ANO2: variants seen among roughly 807,000 people sequenced by gnomAD.
ANO2 encodes anoctamin-2.
A neutral mutation model predicts 124.2 loss-of-function variants in ANO2; 101 were observed. That is an observed-to-expected ratio of 0.81 (90% CI 0.69 to 0.96). The LOEUF is 0.96. ANO2 is among the 40% of genes least tolerant of loss of function. ANO2 has a pLI of 0.00. For missense variants in ANO2, 1,293 were observed against 1,274.5 expected (o/e 1.01, Z -0.22); for synonymous variants, 486 against 482.5 (o/e 1.01, Z -0.09).
intron 3 of ANO2, among the ~76,000 whole-genome samples, chr12:5,916,450 T>A: frequency 7.2e-6 from 1 of 138,746 alleles, no homozygotes; most frequent in Non-Finnish European, 1.6e-5. Flanking sequence ...AAGAGAAGTC[T>A]TAGGAGACCT....
intron 3 of ANO2, among the ~76,000 whole-genome samples, chr12:5,909,630 A>C (rs904951750): frequency 6.6e-6 from 1 of 152,232 alleles, no homozygotes; most frequent in Non-Finnish European, 1.5e-5. Context: ...TCCAAAGTGC[A>C]GTTAGCTGTG....
intron 7 of ANO2, among the ~76,000 whole-genome samples, chr12:5,827,032 G>T (rs773318535): frequency 7.9e-5 from 12 of 152,158 alleles, no homozygotes; most frequent in Admixed American, 5.2e-4. Flanking sequence ...AATGACTCCT[G>T]TGCAAAAGGT....
intron 14 of ANO2, among the ~76,000 whole-genome samples, chr12:5,685,768 C>T (rs1236327805): frequency 6.6e-6 from 1 of 151,330 alleles, no homozygotes; most frequent in African/African-American, 2.4e-5. Flanking sequence ...CAAAGTGAGA[C>T]CCTGTCTCAA....
intron 7 of ANO2, among the ~76,000 whole-genome samples, chr12:5,813,650 T>C (rs773914140): frequency 3.3e-5 from 5 of 152,170 alleles, no homozygotes; most frequent in Non-Finnish European, 5.9e-5. Context: ...TCCCTTTCAC[T>C]ACAATTGTCT....
chr12:5,915,657 G>A (rs1037016095), intron 3 of ANO2, among the ~76,000 whole-genome samples: 8 of 152,294 alleles, frequency 5.3e-5, no homozygotes, highest in Non-Finnish European at 1.2e-4. Context: ...TGTTCAAACT[G>A]CCACCAGGTG....
intron 15 of ANO2, among the ~76,000 whole-genome samples, chr12:5,642,845 C>A (rs1189506266): frequency 6.6e-6 from 1 of 152,144 alleles, no homozygotes; most frequent in Non-Finnish European, 1.5e-5. Context: ...TTCCTGCTGT[C>A]CCTCCTGATG....
At position 5,787,772 on chromosome 12, in the gene ANO2, TA is replaced by T. The variant is rs1337951876; in HGVS notation, c.1055+11734del. On this transcript the variant is annotated intron_variant, in intron 10 of 24. Transcript: ENST00000682330. The surrounding 1 kb of genome is among the most constrained non-coding windows in gnomAD (Gnocchi z 4.2). ...GATCTCCAATTAGGTTGGATGGCCT[TA>T]TATCTCCATTCCCATTACACTTCTG... is the stretch of plus-strand genomic sequence containing the variant. Among the ~76,000 whole-genome samples the T allele has an allele frequency of 6.6e-6, 1 of 152,192 alleles. No homozygotes were observed. Among genetic ancestry groups the T allele is most frequent in the Non-Finnish European group, 1.5e-5 (1 of 68,038 alleles).
At chr12:5,566,777 G>A (rs911915267) in intron 23 of ANO2, among the ~76,000 whole-genome samples, 5 of 152,226 alleles carry the variant, frequency 3.3e-5, no homozygotes, top group African/African-American at 1.2e-4. Flanking sequence ...TGTGTGGCCA[G>A]AGTCTCGTGA....
intron 3 of ANO2, among the ~76,000 whole-genome samples, chr12:5,895,303 G>C (rs574438050): frequency 5.9e-5 from 9 of 152,218 alleles, no homozygotes; most frequent in East Asian, 5.8e-4. Flanking sequence ...TCTATTATTG[G>C]TGTATAGAAA....
rs533361423 is a variant in ANO2 at position 5,799,410 on chromosome 12, A to G, written c.1055+97T>C. 3 of 1,044,026 alleles carry G rather than the reference A, an allele frequency of 2.9e-6. No individual in the cohort carries two copies. The African/African-American group carries it at 4.8e-5, about 17-fold the overall frequency. The allele number at this position is 1,044,026 out of a possible 1,614,324, so 64.7% of individuals were successfully genotyped here. On this transcript the variant is annotated intron_variant, in intron 10 of 24. Transcript: ENST00000682330. The stretch of plus-strand genomic sequence containing the variant: ...AGAAGCTAGAAAAGAAGATCCCTCC[A>G]CTTGAGCAAAGGACTGTCAGAGTCA...
intron 4 of ANO2, among the ~76,000 whole-genome samples, chr12:5,836,567 C>T (rs11063881): frequency 0.092 from 14,039 of 152,196 alleles, 829 homozygotes; most frequent in East Asian, 0.25. Flanking sequence ...TCAACAGTCA[C>T]CCACTGCTCT....
intron 3 of ANO2, among the ~76,000 whole-genome samples, chr12:5,867,997 T>C (rs1955476159): frequency 1.3e-5 from 2 of 152,104 alleles, no homozygotes; most frequent in African/African-American, 4.8e-5. Context: ...TAGTATTCAA[T>C]AGCACAATGG....
chr12:5,572,334 C>T (rs1207517685), intron 23 of ANO2, among the ~76,000 whole-genome samples: 1 of 152,202 alleles, frequency 6.6e-6, no homozygotes, highest in African/African-American at 2.4e-5. Context: ...CCACCCTCCC[C>T]ACCCCACTTA....
intron 10 of ANO2, among the ~76,000 whole-genome samples, chr12:5,785,996 C>T (rs955022484): frequency 7.1e-6 from 1 of 141,682 alleles, no homozygotes; most frequent in Admixed American, 7.8e-5. Context: ...GCCAGAGAGG[C>T]GAAAGAAAAC....
At chr12:5,580,787 C>A (rs552904143) in intron 20 of ANO2, among the ~76,000 whole-genome samples, 1 of 152,318 alleles carries the variant, frequency 6.6e-6, no homozygotes, top group East Asian at 1.9e-4. Context: ...AGTTGTGGGT[C>A]ACTGTTCTTG....
chr12:5,572,299 A>G (rs1426239730), intron 23 of ANO2, among the ~76,000 whole-genome samples: 1 of 151,896 alleles, frequency 6.6e-6, no homozygotes, highest in African/African-American at 2.4e-5. Flanking sequence ...ACTACCTGAC[A>G]CACCCCTTGC....
At chr12:5,728,247 T>C (rs995795086) in intron 14 of ANO2, among the ~76,000 whole-genome samples, 1 of 151,996 alleles carries the variant, frequency 6.6e-6, no homozygotes, top group African/African-American at 2.4e-5. Context: ...ATCTCACAAA[T>C]AGAAAATCCT....
At chr12:5,644,057 G>A (rs1393366202) in intron 15 of ANO2, among the ~76,000 whole-genome samples, 1 of 152,038 alleles carries the variant, frequency 6.6e-6, no homozygotes, top group African/African-American at 2.4e-5. Flanking sequence ...ATTTTATTAT[G>A]GTTGTGCTTT....
chr12:5,669,469 G>A (rs575533756), intron 14 of ANO2, among the ~76,000 whole-genome samples: 68 of 152,236 alleles, frequency 4.5e-4, no homozygotes, highest in Non-Finnish European at 8.5e-4. Context: ...CTAGATATAG[G>A]AGCATGTCAT....
Sources: gnomAD v4.1 joint callset for allele counts (sites outside exome capture counted in the v4.1 genomes callset) on GRCh38, gnomAD v4.1.1 for gene constraint, Gnocchi (gnomAD v3.1) non-coding constraint, MANE v1.5 for transcripts, NCBI Gene and HGNC (gene_info 2026-07-23, HGNC 2026-07-21) for gene names.